Variants in PRRC2C observed in about 807,000 individuals in gnomAD.
The protein encoded by PRRC2C is protein PRRC2C.
A neutral mutation model predicts 317.2 loss-of-function variants in PRRC2C; 72 were observed. That is an observed-to-expected ratio of 0.23 (90% confidence interval 0.19 to 0.28). The LOEUF (loss-of-function observed/expected upper bound fraction) is 0.28, where lower values mean the gene tolerates loss of function less well. Ranked by LOEUF, PRRC2C falls within the 10% of genes least tolerant of loss-of-function variation. The pLI is 1.00. For missense variants in PRRC2C, 3,074 were observed against 3,459.7 expected (o/e 0.89, Z 2.80); for synonymous variants, 1,296 against 1,205.9 (o/e 1.07, Z -1.55).
chr1:171,588,251 G>A (rs1480313654), intron 32 of PRRC2C, 128 bp from the exon 33 acceptor site: 2 of 1,034,464 alleles, frequency 1.9e-6, no homozygotes, highest in East Asian at 2.5e-5. Context: ...GAATGTTTTG[G>A]TAATCATCAT....
intron 11 of PRRC2C, among the ~76,000 whole-genome samples, chr1:171,531,353 G>A (rs1675828471): frequency 6.6e-6 from 1 of 152,204 alleles, no homozygotes; most frequent in South Asian, 2.1e-4. Flanking sequence ...AGTGAGTTGT[G>A]TAAATTAGGC....
At chr1:171,562,017 G>T (rs1041088787) in intron 20 of PRRC2C, among the ~76,000 whole-genome samples, 1 of 152,082 alleles carries the variant, frequency 6.6e-6, no homozygotes, top group South Asian at 2.1e-4. Flanking sequence ...AAAAAACATC[G>T]TGATCAGCAC....
intron 1 of PRRC2C, among the ~76,000 whole-genome samples, chr1:171,498,874 T>C (rs1038150292): frequency 6.6e-6 from 1 of 152,194 alleles, no homozygotes; most frequent in Non-Finnish European, 1.5e-5. Context: ...CGATCATCGC[T>C]CACTGCAGCC....
At chr1:171,487,533 G>C (rs1027438219) in intron 1 of PRRC2C, among the ~76,000 whole-genome samples, 1 of 151,976 alleles carries the variant, frequency 6.6e-6, no homozygotes, top group Non-Finnish European at 1.5e-5. Flanking sequence ...ATTTTTTTGT[G>C]TCCTTTTCTA....
At position 171,568,232 on chromosome 1, in the gene PRRC2C, A is replaced by G; in HGVS notation, c.6559-15A>G. 3.2e-6 allele frequency: 5 copies of G among 1,579,316 alleles called. No homozygotes were observed. The highest frequency in any genetic ancestry group is 1.4e-5 in the African/African-American group (1 of 73,824). ...TCAGTTTAAAATGTATTTTTTTTCT[A>G]TTACTACTTCACAGGAGTCTGTAAC... On this transcript the variant is annotated splice_polypyrimidine_tract_variant and intron_variant, in intron 22 of 34. Transcript: ENST00000647382.
At chr1:171,486,004 C>G (rs1665971353) in intron 1 of PRRC2C, among the ~76,000 whole-genome samples, 1 of 151,828 alleles carries the variant, frequency 6.6e-6, no homozygotes, top group Admixed American at 6.6e-5. Flanking sequence ...ACCGGTCTGT[C>G]TTGCTCCCAC....
intron 18 of PRRC2C, among the ~76,000 whole-genome samples, chr1:171,555,598 G>A (rs1295195617): frequency 6.6e-6 from 1 of 152,160 alleles, no homozygotes; most frequent in African/African-American, 2.4e-5. Flanking sequence ...CCAGCTTTGT[G>A]GTTTTATTTA....
At chr1:171,550,732 C>G (rs1680063555) in intron 18 of PRRC2C, among the ~76,000 whole-genome samples, 1 of 151,328 alleles carries the variant, frequency 6.6e-6, no homozygotes. Context: ...GTTTTCTGTC[C>G]TTGCAATAGT....
intron 25 of PRRC2C, among the ~76,000 whole-genome samples, chr1:171,575,592 T>C (rs1479380317): frequency 6.6e-6 from 1 of 152,258 alleles, no homozygotes; most frequent in South Asian, 2.1e-4. Context: ...TTTTATTTTG[T>C]TTTTTAGGAG....
intron 1 of PRRC2C, among the ~76,000 whole-genome samples, chr1:171,493,140 G>T (rs1420348440): frequency 6.6e-6 from 1 of 152,170 alleles, no homozygotes; most frequent in Admixed American, 6.5e-5. Flanking sequence ...TTCAGTGGTA[G>T]AAGAAGAGGG....
In PRRC2C at chr1:171,514,553, C is replaced by T; in HGVS notation, c.308C>T (p.Pro103Leu). The T allele has an allele frequency of 6.4e-7, 1 of 1,556,826 alleles. No homozygotes were observed. Among genetic ancestry groups the T allele is most frequent in the East Asian group, 2.4e-5 (1 of 41,272 alleles). The part of the protein sequence containing the change: ...HEEEKTPEVP[P>L]AQPKPGVAAP... ...TTTTTAAGAACACCAGAAGTGCCAC[C>T]AGCACAGCCAAAACCTGGGGTTGCA... Residue 103 changes from proline to leucine, a missense_variant, in exon 4 of 35, where the codon CCA (proline) becomes CTA (leucine). Around this residue, in one of 11 missense-constraint regions of PRRC2C, gnomAD observed 237 missense variants for 199.5 expected, o/e 1.19. Transcript: ENST00000647382.
intron 25 of PRRC2C, 95 bp downstream of exon 25, chr1:171,575,223 A>C: frequency 8.2e-7 from 1 of 1,217,962 alleles, no homozygotes; most frequent in South Asian, 1.6e-5. Context: ...CTCCGAAAAT[A>C]GTAATATTCA....
intron 1 of PRRC2C, among the ~76,000 whole-genome samples, chr1:171,496,895 A>G (rs771082698): frequency 2.6e-5 from 4 of 151,746 alleles, no homozygotes; most frequent in South Asian, 2.1e-4. Context: ...TCAACCTCCC[A>G]GGCTCAAGCG....
At chr1:171,519,381 A>G (rs1378202635) in intron 6 of PRRC2C, among the ~76,000 whole-genome samples, 1 of 152,228 alleles carries the variant, frequency 6.6e-6, no homozygotes, top group East Asian at 1.9e-4. Flanking sequence ...TCCAGGCAAC[A>G]TCCATTCGTT....
At chr1:171,528,533 C>T (rs974057903) in intron 11 of PRRC2C, among the ~76,000 whole-genome samples, 1 of 152,058 alleles carries the variant, frequency 6.6e-6, no homozygotes, top group African/African-American at 2.4e-5. Context: ...CCTCGTGATC[C>T]GCCCACCTTG....
At chr1:171,485,961 C>G (rs1310575910) in intron 1 of PRRC2C, among the ~76,000 whole-genome samples, 1 of 152,092 alleles carries the variant, frequency 6.6e-6, no homozygotes, top group African/African-American at 2.4e-5. Context: ...CGGAGTCAGA[C>G]CCGCCCCATG....
At position 171,545,525 on chromosome 1, in the gene PRRC2C, AATGGCAGCTCTGCACACC is replaced by A. The variant is rs764088225; in HGVS notation, c.4813_4830del (p.Gly1605_His1610del). On this transcript the variant is annotated inframe_deletion, in exon 17 of 35. Transcript: ENST00000647382. ...AGGCACAACTGGGGTTGACCTCATCAATGGCAGCTCTGCACACCATCAGGAAGGAGTACCTAATGGTAC... is the reference window on the plus strand; with the variant it reads ...AGGCACAACTGGGGTTGACCTCATCAATCAGGAAGGAGTACCTAATGGTAC... 36 of 1,590,162 alleles carry A rather than the reference AATGGCAGCTCTGCACACC, an allele frequency of 2.3e-5. No individual in the cohort carries two copies. The African/African-American group carries it at 4.9e-4, about 21-fold the overall frequency.
chr1:171,568,645 C>G (rs1684131529), intron 23 of PRRC2C, among the ~76,000 whole-genome samples: 1 of 152,176 alleles, frequency 6.6e-6, no homozygotes, highest in African/African-American at 2.4e-5. Context: ...TTAGCTCTCA[C>G]ATTTACAAAT....
chr1:171,580,344 G>A (rs577469430), intron 28 of PRRC2C, among the ~76,000 whole-genome samples: 1 of 152,208 alleles, frequency 6.6e-6, no homozygotes, highest in African/African-American at 2.4e-5. Flanking sequence ...ATGTTAGGGG[G>A]TGCAGGGCAG....
Sources: gnomAD v4.1 joint callset for allele counts (sites outside exome capture counted in the v4.1 genomes callset) on GRCh38, gnomAD v4.1.1 for gene constraint, gnomAD v4.1.1 regional missense constraint, MANE v1.5 for transcripts, NCBI Gene and HGNC (gene_info 2026-07-23, HGNC 2026-07-21) for gene names.